SPATA6: variants seen among roughly 807,000 people sequenced by gnomAD.
The protein encoded by SPATA6 is spermatogenesis-associated protein 6.
Under a neutral mutation model 65.3 loss-of-function variants are expected in SPATA6, and 56 were observed. That is an observed-to-expected ratio of 0.86 (90% CI 0.69 to 1.07). SPATA6 has a LOEUF of 1.07. Ranked by LOEUF, SPATA6 falls within the 50% of genes least tolerant of loss-of-function variation. The pLI is 0.00. For synonymous variants in SPATA6, 199 were observed against 213.2 expected (o/e 0.93, Z 0.58); for missense variants, 590 against 594.8 (o/e 0.99, Z 0.08).
At position 48,415,519 on chromosome 1, in the gene SPATA6, T is replaced by C. The variant is rs151245843; in HGVS notation, c.239-2368A>G. Among the ~76,000 whole-genome samples, 413 of 152,158 alleles carry C rather than the reference T, an allele frequency of 2.7e-3. 1 individual carries two copies. Among genetic ancestry groups the C allele is most frequent in the African/African-American group, 8.5e-3 (352 of 41,492 alleles). Reference sequence around the variant, plus strand: ...ATAGTATAGATTGAAAACACTGTAATGGAAATGAAGAATGCCTTTGATGAA... The same window carrying C: ...ATAGTATAGATTGAAAACACTGTAACGGAAATGAAGAATGCCTTTGATGAA... On this transcript the variant is annotated intron_variant, in intron 3 of 12. Coordinates refer to ENST00000371847, the MANE Select transcript of SPATA6 (RefSeq NM_019073.4).
At chr1:48,333,463 T>A (rs558246817) in intron 11 of SPATA6, among the ~76,000 whole-genome samples, 1 of 152,296 alleles carries the variant, frequency 6.6e-6, no homozygotes, top group African/African-American at 2.4e-5. Flanking sequence ...CAGTCTATCA[T>A]GAGACACCTT....
intron 11 of SPATA6, among the ~76,000 whole-genome samples, chr1:48,335,324 A>G (rs1362451391): frequency 7.0e-6 from 1 of 143,168 alleles, no homozygotes; most frequent in African/African-American, 2.5e-5. Flanking sequence ...TGAAAAGCCA[A>G]GGCAATCCTA....
chr1:48,404,450 C>T lies in SPATA6; in HGVS notation c.406-568G>A, dbSNP rs564622614. Among the ~76,000 whole-genome samples the T allele has an allele frequency of 4.6e-5, 7 of 152,128 alleles. No homozygotes were observed. The South Asian group carries it at 1.2e-3, about 27-fold the overall frequency. ...CTCTAACTCTTGGACTTAAGTGATC[C>T]TTTCCCCTCAGCCTTCCAAGTAGCT... On this transcript the variant is annotated intron_variant, in intron 5 of 12. Coordinates refer to ENST00000371847, the MANE Select transcript of SPATA6 (RefSeq NM_019073.4).
At chr1:48,457,936 C>T (rs1489799062) in intron 1 of SPATA6, among the ~76,000 whole-genome samples, 1 of 151,060 alleles carries the variant, frequency 6.6e-6, no homozygotes, top group Admixed American at 6.6e-5. Flanking sequence ...TGCTGGTGTA[C>T]TTATATTTAT....
At chr1:48,272,146 A>G in the SPATA6 span, among the ~76,000 whole-genome samples, 2 of 152,202 alleles carry the variant, frequency 1.3e-5, no homozygotes, top group African/African-American at 4.8e-5. Context: ...CAATCAAGCT[A>G]ATTAACATAT....
At position 48,298,777 on chromosome 1, in the gene SPATA6, T is replaced by C; in HGVS notation, c.1403A>G (p.Lys468Arg). 1.9e-6 allele frequency: 3 copies of C among 1,614,098 alleles called. No homozygotes were observed. Among genetic ancestry groups the C allele is most frequent in the Non-Finnish European group, 2.5e-6 (3 of 1,179,962 alleles). The change falls in exon 13 of 13, where the codon AAG becomes AGG. Residue 468 changes from lysine to arginine, a missense_variant. Lys to Arg is a conservative substitution (Grantham distance 26). Transcript: ENST00000371847. ...CTTTTTGTATAAGTTCCTGTACATC[T>C]TGTCCATGCTGTTCTCAAAGATGGG... ...HRPIFENSMDKMYRNLYKKAC... is the reference protein window; with the variant it reads ...HRPIFENSMDRMYRNLYKKAC...
chr1:48,371,512 A>T (rs1437027889), intron 9 of SPATA6, among the ~76,000 whole-genome samples: 4 of 152,382 alleles, frequency 2.6e-5, no homozygotes, highest in African/African-American at 9.6e-5. Context: ...ATACTGCAGT[A>T]GCAAATTAAG....
intron 5 of SPATA6, among the ~76,000 whole-genome samples, chr1:48,410,423 C>G (rs1424981828): frequency 2.6e-5 from 4 of 152,228 alleles, no homozygotes; most frequent in Non-Finnish European, 5.9e-5. Flanking sequence ...TTCCTGCTTT[C>G]TGAGCCCTCC....
chr1:48,361,255 T>G (rs943651642), intron 9 of SPATA6, among the ~76,000 whole-genome samples: 1 of 152,034 alleles, frequency 6.6e-6, no homozygotes, highest in Admixed American at 6.6e-5. Context: ...AAAACATTAC[T>G]GAAGAGTAGC....
intron 9 of SPATA6, among the ~76,000 whole-genome samples, chr1:48,377,415 C>A (rs1333690897): frequency 6.6e-6 from 1 of 152,140 alleles, no homozygotes; most frequent in Non-Finnish European, 1.5e-5. Context: ...TTAATGAATG[C>A]TATTTTCCCT....
intron 9 of SPATA6, among the ~76,000 whole-genome samples, chr1:48,384,095 AG>A (rs200971393): frequency 0.066 from 10,007 of 150,784 alleles, 428 homozygotes; most frequent in Non-Finnish European, 0.093. Flanking sequence ...GCACCTCGGG[AG>A]GCCGAGGCTG....
At chr1:48,262,562 G>T in the SPATA6 span, 10 of 152,160 alleles carry the variant, frequency 6.6e-5, no homozygotes, top group East Asian at 1.9e-3. Flanking sequence ...TAGAGGAATG[G>T]TTAAATTACT....
chr1:48,279,205 C>T, the SPATA6 span, among the ~76,000 whole-genome samples: 133 of 151,030 alleles, frequency 8.8e-4, no homozygotes, highest in Middle Eastern at 6.8e-3. Context: ...AAGGAACAAC[C>T]GGTATCAGCC....
At chr1:48,299,537 A>AAAAAAAAAAAAAAAAAAAAT (rs1569971516) in intron 12 of SPATA6, among the ~76,000 whole-genome samples, 2 of 149,972 alleles carry the variant, frequency 1.3e-5, no homozygotes, top group African/African-American at 2.4e-5. Flanking sequence ...AAAAAAAAAA[A>AAAAAAAAAAAAAAAAAAAAT]GAATGCATAG....
At chr1:48,287,259 A>G in the SPATA6 span, among the ~76,000 whole-genome samples, 1 of 152,142 alleles carries the variant, frequency 6.6e-6, no homozygotes, top group Non-Finnish European at 1.5e-5. Flanking sequence ...ACTCACTATC[A>G]CAGGGATAGT....
chr1:48,339,925 TC>T (rs1171325225), intron 11 of SPATA6, among the ~76,000 whole-genome samples: 1 of 151,926 alleles, frequency 6.6e-6, no homozygotes, highest in African/African-American at 2.4e-5. Flanking sequence ...TTGCTCCTCA[TC>T]CTTTTGGCTA....
At chr1:48,469,246 C>T (rs997907939) in intron 1 of SPATA6, among the ~76,000 whole-genome samples, 5 of 152,102 alleles carry the variant, frequency 3.3e-5, no homozygotes, top group African/African-American at 4.8e-5. Flanking sequence ...TAAACATACA[C>T]ATACATATAG....
intron 11 of SPATA6, among the ~76,000 whole-genome samples, chr1:48,323,350 T>C (rs1442210176): frequency 6.7e-6 from 1 of 149,868 alleles, no homozygotes; most frequent in African/African-American, 2.5e-5. Flanking sequence ...TTCTCACTCA[T>C]ATGTGGGAGT....
chr1:48,469,350 A>G (rs1259964792), intron 1 of SPATA6, among the ~76,000 whole-genome samples: 2 of 152,088 alleles, frequency 1.3e-5, no homozygotes, highest in South Asian at 2.1e-4. Flanking sequence ...TCATTTAAAA[A>G]GTTGGGGAGA....
Sources: allele counts gnomAD v4.1 joint callset (sites outside exome capture counted in the v4.1 genomes callset), GRCh38; gene constraint gnomAD v4.1.1; transcripts MANE v1.5; gene names NCBI Gene and HGNC (gene_info 2026-07-23, HGNC 2026-07-21).